NTM: variants seen among roughly 807,000 people sequenced by gnomAD.
The protein encoded by NTM is neurotrimin.
Under a neutral mutation model 42.1 loss-of-function variants are expected in NTM, and 13 were observed. The observed-to-expected ratio is 0.31, with a 90% CI of 0.20 to 0.49. The LOEUF (loss-of-function observed/expected upper bound fraction) is 0.49. NTM is among the 20% of genes least tolerant of loss of function. The probability of loss-of-function intolerance (pLI) is 0.99; values close to 1 mark genes in which losing one functional copy is unlikely to be tolerated. For missense variants in NTM, 373 were observed against 452.8 expected, an observed-to-expected ratio of 0.82 and a Z score of 1.60; for synonymous variants, 187 against 179.2, an observed-to-expected ratio of 1.04 and a Z score of -0.35.
At chr11:131,703,562 C>G (rs2076281581) in intron 1 of NTM, among the ~76,000 whole-genome samples, 2 of 152,170 alleles carry the variant, frequency 1.3e-5, no homozygotes, top group Non-Finnish European at 2.9e-5. Flanking sequence ...GATGGCAGAA[C>G]AGGAAATCCC....
intron 2 of NTM, among the ~76,000 whole-genome samples, chr11:131,959,097 G>A (rs984238332): frequency 2.6e-5 from 4 of 152,202 alleles, no homozygotes; most frequent in African/African-American, 9.6e-5. Context: ...CAGGTCTCAA[G>A]AGGGTGATGT....
intron 2 of NTM, among the ~76,000 whole-genome samples, chr11:132,115,460 A>G (rs78321123): frequency 0.14 from 21,003 of 152,270 alleles, 1,527 homozygotes; most frequent in Middle Eastern, 0.18. Context: ...ATTATTCCCC[A>G]AGAAAGCTGA....
intron 2 of NTM, among the ~76,000 whole-genome samples, chr11:132,118,861 C>A (rs774527718): frequency 6.6e-6 from 1 of 151,730 alleles, no homozygotes; most frequent in Admixed American, 6.6e-5. Context: ...ATTGGATTCC[C>A]GGGATTTTGT....
chr11:131,766,447 G>A (rs574569337), intron 1 of NTM, among the ~76,000 whole-genome samples: 7 of 152,274 alleles, frequency 4.6e-5, no homozygotes, highest in East Asian at 1.9e-4. Context: ...ACCGAGGAGC[G>A]AGGGAGAGCC....
intron 1 of NTM, among the ~76,000 whole-genome samples, chr11:131,397,143 C>T (rs1052156690): frequency 6.6e-6 from 1 of 152,132 alleles, no homozygotes; most frequent in Non-Finnish European, 1.5e-5. Context: ...AAAGCAAACA[C>T]AAATATATGA....
chr11:131,775,221 G>A (rs1010210879), intron 1 of NTM, among the ~76,000 whole-genome samples: 2 of 152,192 alleles, frequency 1.3e-5, no homozygotes, highest in Non-Finnish European at 2.9e-5. Flanking sequence ...TCCCACAAAT[G>A]TTAGATTTGG....
At chr11:131,613,494 C>A (rs2061635411) in intron 1 of NTM, among the ~76,000 whole-genome samples, 2 of 152,156 alleles carry the variant, frequency 1.3e-5, no homozygotes, top group Admixed American at 1.3e-4. Context: ...GATATTGATT[C>A]CCAAATGCCA....
At chr11:131,546,454 C>T (rs899382131) in intron 1 of NTM, among the ~76,000 whole-genome samples, 41 of 152,198 alleles carry the variant, frequency 2.7e-4, no homozygotes, top group African/African-American at 9.9e-4. Flanking sequence ...TTCTGCACAG[C>T]AGGGATTTCT....
At chr11:131,422,454 G>T (rs955700173) in intron 1 of NTM, among the ~76,000 whole-genome samples, 3 of 152,214 alleles carry the variant, frequency 2.0e-5, no homozygotes, top group African/African-American at 7.2e-5. Flanking sequence ...CTTTAAGGGA[G>T]CCATTAGTTT....
At chr11:131,566,802 A>C (rs2137049389) in intron 1 of NTM, among the ~76,000 whole-genome samples, 1 of 152,308 alleles carries the variant, frequency 6.6e-6, no homozygotes, top group South Asian at 2.1e-4. Context: ...GAGAGGGGGA[A>C]GAGGGAGTGA....
chr11:131,751,589 C>CA (rs34297944), intron 1 of NTM, among the ~76,000 whole-genome samples: 146 of 116,028 alleles, frequency 1.3e-3, no homozygotes, highest in Middle Eastern at 0.01. Flanking sequence ...GACTCCGTCT[C>CA]AAAAAAAAAA....
intron 1 of NTM, among the ~76,000 whole-genome samples, chr11:131,866,191 C>T (rs1344288416): frequency 6.6e-6 from 1 of 152,228 alleles, no homozygotes; most frequent in Non-Finnish European, 1.5e-5. Flanking sequence ...ATGCTGTTCA[C>T]ACCCTCATGC....
At chr11:131,794,181 C>T (rs2091286246) in intron 1 of NTM, among the ~76,000 whole-genome samples, 1 of 152,132 alleles carries the variant, frequency 6.6e-6, no homozygotes, top group South Asian at 2.1e-4. Flanking sequence ...TTGACACCAC[C>T]TCTGTGTGCA....
At chr11:132,266,077 C>A (rs747030621) in intron 4 of NTM, among the ~76,000 whole-genome samples, 3 of 152,138 alleles carry the variant, frequency 2.0e-5, no homozygotes, top group Non-Finnish European at 4.4e-5. Context: ...ACAGGGGTGA[C>A]CTTTCTGGAG....
At chr11:132,131,620 A>G (rs992781329) in intron 2 of NTM, among the ~76,000 whole-genome samples, 5 of 152,128 alleles carry the variant, frequency 3.3e-5, no homozygotes, top group Non-Finnish European at 7.3e-5. Context: ...ATGGGAGAGC[A>G]TGCCACACTA....
chr11:132,118,634 G>A (rs912022503), intron 2 of NTM, among the ~76,000 whole-genome samples: 2 of 152,098 alleles, frequency 1.3e-5, no homozygotes, highest in Admixed American at 6.6e-5. Flanking sequence ...CAAGAGCCAC[G>A]GAAAGGGTAC....
At chr11:132,259,595 G>A (rs898087403) in intron 4 of NTM, among the ~76,000 whole-genome samples, 4 of 152,090 alleles carry the variant, frequency 2.6e-5, no homozygotes, top group South Asian at 4.2e-4. Flanking sequence ...CAGGAGAATC[G>A]TTTGAACCCG....
At chr11:131,950,357 A>G (rs899272338) in intron 2 of NTM, among the ~76,000 whole-genome samples, 4 of 152,180 alleles carry the variant, frequency 2.6e-5, no homozygotes, top group African/African-American at 9.7e-5. Flanking sequence ...GGCATCCAGC[A>G]TACTGGCTTC....
intron 1 of NTM, among the ~76,000 whole-genome samples, chr11:131,764,034 A>G (rs1442744813): frequency 6.6e-6 from 1 of 152,058 alleles, no homozygotes; most frequent in Non-Finnish European, 1.5e-5. Flanking sequence ...TTGGTGATAG[A>G]TTTATGGTGA....
Sources: gnomAD v4.1 joint callset for allele counts (sites outside exome capture counted in the v4.1 genomes callset) on GRCh38, gnomAD v4.1.1 for gene constraint, MANE v1.5 for transcripts, NCBI Gene and HGNC (gene_info 2026-07-23, HGNC 2026-07-21) for gene names.